Variants in GALK2 observed in about 807,000 individuals in gnomAD.
GALK2 encodes galactokinase 2.
In GALK2, 36 loss-of-function variants were observed where a neutral mutation model predicts 52.4. That is an observed-to-expected ratio of 0.69 (90% confidence interval 0.53 to 0.91). GALK2 has a LOEUF of 0.91. Ranked by LOEUF, GALK2 falls within the 40% of genes least tolerant of loss-of-function variation. The pLI is 0.00. For missense variants in GALK2, 579 were observed against 559.1 expected, an observed-to-expected ratio of 1.04 and a Z score of -0.36; for synonymous variants, 176 against 199.1, an observed-to-expected ratio of 0.88 and a Z score of 0.98.
intron 5 of GALK2, among the ~76,000 whole-genome samples, chr15:49,257,275 C>G (rs1053871007): frequency 6.6e-6 from 1 of 152,138 alleles, no homozygotes; most frequent in Admixed American, 6.5e-5. Flanking sequence ...GTCATAGTAA[C>G]AGTTCTAGTA....
At chr15:49,156,574 T>C (rs1159018138) in intron 1 of GALK2, 6 of 520,278 alleles carry the variant, frequency 1.2e-5, no homozygotes. Flanking sequence ...TGAAAGCTGC[T>C]GAAACACGTC....
chr15:49,337,173 TG>T (rs1476748636), intron 3 of GALK2, among the ~76,000 whole-genome samples: 2 of 152,226 alleles, frequency 1.3e-5, no homozygotes, highest in African/African-American at 4.8e-5. Flanking sequence ...TATGTCTTTT[TG>T]GTGGAATAAT....
At chr15:49,311,923 C>T (rs779268563) in intron 8 of GALK2, among the ~76,000 whole-genome samples, 3 of 152,174 alleles carry the variant, frequency 2.0e-5, no homozygotes, top group East Asian at 1.9e-4. Flanking sequence ...TAGGCACATT[C>T]GACATGACTC....
chr15:49,199,123 C>T (rs985990126), intron 1 of GALK2: 1 of 152,178 alleles, frequency 6.6e-6, no homozygotes, highest in African/African-American at 2.4e-5. Context: ...CCCAGAACTT[C>T]TAGGCTCAAG....
At chr15:49,360,998 T>C (rs927280266) in intron 3 of GALK2, among the ~76,000 whole-genome samples, 1 of 152,090 alleles carries the variant, frequency 6.6e-6, no homozygotes, top group African/African-American at 2.4e-5. Flanking sequence ...AATCACTCCT[T>C]ATCAATAGAA....
intron 3 of GALK2, among the ~76,000 whole-genome samples, chr15:49,223,998 C>T (rs2089982904): frequency 1.3e-5 from 2 of 151,888 alleles, no homozygotes; most frequent in Non-Finnish European, 2.9e-5. Flanking sequence ...AACTAATTTA[C>T]ACTCCCACCA....
rs540547213 is a variant in GALK2, at chr15:49,354,575, G to A, written c.427-12916G>A. Among the ~76,000 whole-genome samples the A allele has an allele frequency of 1.1e-3, 171 of 152,278 alleles. 5 individuals are homozygous for A. In the South Asian group the frequency reaches 0.027, roughly 24 times the overall value. On this transcript the variant is annotated intron_variant, in intron 3 of 3. Coordinates refer to the GALK2 transcript ENST00000558399. ...ACGGCGCACCACGAGATTATATCCC[G>A]CACCTGGCTGGAAGGGTCCTACGCC...
intron 5 of GALK2, among the ~76,000 whole-genome samples, chr15:49,272,536 G>T (rs1222187630): frequency 1.3e-5 from 2 of 152,164 alleles, no homozygotes; most frequent in Non-Finnish European, 2.9e-5. Context: ...TGACATCAAT[G>T]CTGCGTGTGA....
At chr15:49,205,506 T>G (rs781000527) in intron 2 of GALK2, among the ~76,000 whole-genome samples, 2 of 152,240 alleles carry the variant, frequency 1.3e-5, no homozygotes, top group Non-Finnish European at 2.9e-5. Flanking sequence ...TTCCATATGT[T>G]TGTTGGCCAT....
chr15:49,197,381 T>C (rs2087329197), intron 1 of GALK2, among the ~76,000 whole-genome samples: 1 of 152,182 alleles, frequency 6.6e-6, no homozygotes, highest in Non-Finnish European at 1.5e-5. Flanking sequence ...TGATTTCAGT[T>C]CTGTCATATT....
intron 3 of GALK2, chr15:49,365,457 G>T: frequency 1.1e-6 from 1 of 897,838 alleles, no homozygotes; most frequent in Non-Finnish European, 1.9e-6. Context: ...TGTCTCCAAA[G>T]CCCAATATTG....
At chr15:49,230,321 G>C (rs2090430893) in intron 3 of GALK2, among the ~76,000 whole-genome samples, 1 of 152,190 alleles carries the variant, frequency 6.6e-6, no homozygotes, top group African/African-American at 2.4e-5. Context: ...GCTCTCCTAT[G>C]GCTAGGATTG....
rs1445961639 is a variant in GALK2, at chr15:49,175,991, C to T, written c.53+5616C>T. On this transcript the variant is annotated intron_variant, in intron 1 of 9. Coordinates refer to ENST00000560031, the MANE Select transcript of GALK2 (RefSeq NM_002044.4). ...AATTGCTCACTCGGGGAGCTCGGCTCTTGAGACAGGAGTCTTGCTGATGCT... is the reference window on the plus strand; with the variant it reads ...AATTGCTCACTCGGGGAGCTCGGCTTTTGAGACAGGAGTCTTGCTGATGCT... 3.3e-5 allele frequency among the ~76,000 whole-genome samples: 5 copies of T among 152,344 alleles called. No individual in the cohort carries two copies. The East Asian group carries it at 9.7e-4, about 29-fold the overall frequency.
intron 5 of GALK2, 88 bp downstream of exon 5, chr15:49,239,455 G>A (rs2141502082): frequency 5.6e-6 from 7 of 1,259,354 alleles, no homozygotes; most frequent in Non-Finnish European, 7.9e-6. Flanking sequence ...TTCCTTGATT[G>A]AAAAACTGTC....
At chr15:49,190,758 C>G (rs1323838098) in intron 1 of GALK2, among the ~76,000 whole-genome samples, 2 of 152,166 alleles carry the variant, frequency 1.3e-5, no homozygotes, top group African/African-American at 4.8e-5. Flanking sequence ...TCATACACTC[C>G]TGAGTGTTCA....
At position 49,328,782 on chromosome 15, in the gene GALK2, T is replaced by G; in HGVS notation, c.*623T>G. The G allele has an allele frequency of 7.0e-7, 1 of 1,427,160 alleles. No homozygotes were observed. The highest frequency in any genetic ancestry group is 2.8e-5 in the Admixed American group (1 of 35,488). 88.4% of individuals were successfully genotyped at this position (1,427,160 alleles called of 1,614,324 possible). On this transcript the variant is annotated 3_prime_UTR_variant, in exon 10 of 10. Coordinates refer to ENST00000560031, the MANE Select transcript of GALK2 (RefSeq NM_002044.4). ...TTATCAAGAGACTAAGGATTTTTTT[T>G]TTTTTTTGACAAAAGGAGGATACAG... is the stretch of plus-strand genomic sequence containing the variant.
chr15:49,271,359 A>G lies in GALK2; in HGVS notation c.505-10628A>G, dbSNP rs1370786915. Among the ~76,000 whole-genome samples the G allele has an allele frequency of 2.0e-5, 3 of 151,960 alleles. No homozygotes were observed. In the East Asian group the frequency reaches 5.8e-4, roughly 29 times the overall value. On this transcript the variant is annotated intron_variant, in intron 5 of 9. Transcript: ENST00000560031. The stretch of plus-strand genomic sequence containing the variant: ...TTACTTTGGTATGTGTTTGCTGACT[A>G]TTCCCTCCAACTCCCACCCTGTGTT...
At chr15:49,185,183 T>C (rs1490473690) in intron 1 of GALK2, among the ~76,000 whole-genome samples, 1 of 152,200 alleles carries the variant, frequency 6.6e-6, no homozygotes, top group African/African-American at 2.4e-5. Flanking sequence ...TTTATGTTCA[T>C]GTGTGCTCAA....
At chr15:49,366,085 T>C in intron 3 of GALK2, 5 of 846,536 alleles carry the variant, frequency 5.9e-6, no homozygotes, top group South Asian at 5.3e-5. Flanking sequence ...CAGTTGTCAC[T>C]GCTTTCAAGT....
Sources: allele counts gnomAD v4.1 joint callset (sites outside exome capture counted in the v4.1 genomes callset), GRCh38; gene constraint gnomAD v4.1.1; transcripts MANE v1.5; gene names NCBI Gene and HGNC (gene_info 2026-07-23, HGNC 2026-07-21).